Variants in ATP2B2 observed in about 807,000 individuals in gnomAD.
ATP2B2 encodes plasma membrane calcium-transporting ATPase 2.
A neutral mutation model predicts 120.0 loss-of-function variants in ATP2B2; 15 were observed. The observed-to-expected ratio is 0.12, with a 90% confidence interval of 0.08 to 0.19. The LOEUF (loss-of-function observed/expected upper bound fraction) is 0.19. Among genes scored for constraint, ATP2B2 ranks in the 10% least tolerant of loss-of-function variants. The probability of loss-of-function intolerance (pLI) is 1.00; values close to 1 mark genes in which losing one functional copy is unlikely to be tolerated. For missense variants in ATP2B2, 1,045 were observed against 1,719.8 expected (o/e 0.61, Z 6.94); for synonymous variants, 694 against 700.3 (o/e 0.99, Z 0.14).
intron 3 of ATP2B2, among the ~76,000 whole-genome samples, chr3:10,530,124 G>A (rs2067180043): frequency 1.3e-5 from 2 of 152,156 alleles, no homozygotes; most frequent in African/African-American, 4.8e-5. Context: ...TTTTCGCAGT[G>A]CTCAGGTGGC....
At chr3:10,529,023 C>A (rs1252787472) in intron 3 of ATP2B2, among the ~76,000 whole-genome samples, 2 of 152,198 alleles carry the variant, frequency 1.3e-5, no homozygotes, top group Admixed American at 6.5e-5. Flanking sequence ...GCACTGACCC[C>A]CCACCTCTCT....
At chr3:10,671,116 C>T (rs1259046687) in intron 1 of ATP2B2, among the ~76,000 whole-genome samples, 1 of 152,220 alleles carries the variant, frequency 6.6e-6, no homozygotes, top group African/African-American at 2.4e-5. Flanking sequence ...GCATGATCAG[C>T]AGGCTGGCCT....
intron 2 of ATP2B2, among the ~76,000 whole-genome samples, chr3:10,436,044 G>C (rs1032309881): frequency 6.6e-6 from 1 of 152,084 alleles, no homozygotes; most frequent in Non-Finnish European, 1.5e-5. Flanking sequence ...CCTAAGCGTG[G>C]GCATGTGATC....
intron 7 of ATP2B2, among the ~76,000 whole-genome samples, chr3:10,385,773 T>A (rs2061659674): frequency 6.6e-6 from 1 of 152,224 alleles, no homozygotes; most frequent in Admixed American, 6.5e-5. Flanking sequence ...ATGACCACCA[T>A]CTCTGTGCAT....
intron 12 of ATP2B2, among the ~76,000 whole-genome samples, chr3:10,367,681 A>G (rs1426345949): frequency 4.0e-5 from 6 of 151,864 alleles, no homozygotes; most frequent in African/African-American, 1.5e-4. Flanking sequence ...TGGGCTTGGG[A>G]TTGTACAGAT....
chr3:10,371,723 G>A, intron 12 of ATP2B2, 86 bp downstream of exon 12: 1 of 1,596,552 alleles, frequency 6.3e-7, no homozygotes, highest in South Asian at 1.1e-5. Context: ...TTGAGACTAT[G>A]AATCACATTG....
Position 10,375,386 on chromosome 3 carries a change from T to C in ATP2B2, c.1416+44A>G. 6.5e-7 allele frequency: 1 copy of C among 1,536,364 alleles called. No individual in the cohort carries two copies. Among genetic ancestry groups the C allele is most frequent in the Non-Finnish European group, 9.0e-7 (1 of 1,115,832 alleles). ...CCAGTGATTCCCCCAGGCCCTCAGC[T>C]GCAGCTGCATCAGCCGGCTGGTCCT... On this transcript the variant is annotated intron_variant, in intron 11 of 22. Coordinates refer to ENST00000360273, the MANE Select transcript of ATP2B2 (RefSeq NM_001001331.4). The surrounding 1 kb of genome is among the most constrained non-coding windows in gnomAD (Gnocchi z 4.2).
In ATP2B2 at chr3:10,386,581, G is replaced by A. The variant is rs375762399; in HGVS notation, c.908-69C>T. 72 of 1,529,966 alleles carry A rather than the reference G, an allele frequency of 4.7e-5. 1 individual carries two copies. Among genetic ancestry groups the A allele is most frequent in the South Asian group, 4.6e-4 (41 of 89,346 alleles). 94.8% of individuals were successfully genotyped at this position (1,529,966 alleles called of 1,614,324 possible). A position where few individuals can be genotyped will look rare whatever the true frequency, so the allele number is the denominator to read the frequency against. On this transcript the variant is annotated intron_variant, in intron 6 of 22. Transcript: ENST00000360273. Reference sequence around the variant, plus strand: ...CAGCCTCATCTGCCCATGCGCACGCGCACACACACAAACACACATGTGCAT... The same window carrying A: ...CAGCCTCATCTGCCCATGCGCACGCACACACACACAAACACACATGTGCAT...
intron 1 of ATP2B2, among the ~76,000 whole-genome samples, chr3:10,644,929 C>T (rs564216546): frequency 6.6e-6 from 1 of 152,260 alleles, no homozygotes; most frequent in East Asian, 1.9e-4. Context: ...AGTATCATAT[C>T]ATATCAAAAT....
chr3:10,458,758 T>A (rs1260973864), intron 1 of ATP2B2, among the ~76,000 whole-genome samples: 1 of 152,214 alleles, frequency 6.6e-6, no homozygotes, highest in Non-Finnish European at 1.5e-5. Flanking sequence ...TGTCCCCACT[T>A]TATAGGCAAG....
chr3:10,379,629 A>G (rs974315717), intron 8 of ATP2B2, among the ~76,000 whole-genome samples: 4 of 152,078 alleles, frequency 2.6e-5, no homozygotes, highest in Non-Finnish European at 4.4e-5. Flanking sequence ...GCAGAGAAGC[A>G]CTCAGGCCCC....
intron 2 of ATP2B2, among the ~76,000 whole-genome samples, chr3:10,431,112 T>C (rs2063301525): frequency 6.6e-6 from 1 of 152,128 alleles, no homozygotes; most frequent in Non-Finnish European, 1.5e-5. Context: ...TTCTTATGAA[T>C]GAGCAAAGTG....
At chr3:10,537,838 C>A (rs1348818369) in intron 2 of ATP2B2, among the ~76,000 whole-genome samples, 1 of 152,126 alleles carries the variant, frequency 6.6e-6, no homozygotes, top group East Asian at 1.9e-4. Flanking sequence ...TCTATTCCTA[C>A]TTTTTCTGTG....
chr3:10,542,297 T>C (rs959141166), intron 2 of ATP2B2, among the ~76,000 whole-genome samples: 1 of 152,232 alleles, frequency 6.6e-6, no homozygotes, highest in Non-Finnish European at 1.5e-5. Flanking sequence ...ATATTTTGTT[T>C]TCTGTTTGTT....
intron 22 of ATP2B2, among the ~76,000 whole-genome samples, chr3:10,330,986 TGTCA>T (rs2059963360): frequency 6.6e-6 from 1 of 152,258 alleles, no homozygotes; most frequent in African/African-American, 2.4e-5. Flanking sequence ...TCTCCCTTGC[TGTCA>T]GTCATCGCTT....
chr3:10,675,741 C>T (rs1477103198), intron 1 of ATP2B2, among the ~76,000 whole-genome samples: 2 of 152,204 alleles, frequency 1.3e-5, no homozygotes, highest in African/African-American at 2.4e-5. Flanking sequence ...CCCTGGTGAT[C>T]GGCCTGTCTT....
chr3:10,327,721 T>TA lies in ATP2B2; in HGVS notation c.*1092dup, dbSNP rs2059882347. On this transcript the variant is annotated 3_prime_UTR_variant, in exon 23 of 23. Transcript: ENST00000360273. ...TGGCATCCTTGGGCCGGATGGCCGT[T>TA]AGTGTTGCAAACCCAGGAAGCCTTC... is the stretch of plus-strand genomic sequence containing the variant. 1 of 152,694 alleles carries TA rather than the reference T, an allele frequency of 6.5e-6. No individual in the cohort carries two copies. The highest frequency in any genetic ancestry group is 6.5e-5 in the Admixed American group (1 of 15,288). 9.5% of individuals were successfully genotyped at this position (152,694 alleles called of 1,614,324 possible).
intron 8 of ATP2B2, 33 bp downstream of exon 8, chr3:10,385,235 A>AC: frequency 4.3e-6 from 7 of 1,612,238 alleles, no homozygotes; most frequent in Non-Finnish European, 4.2e-6. Flanking sequence ...CGCCCATCCA[A>AC]CCATGACCAG....
chr3:10,537,658 G>A (rs191406651), intron 2 of ATP2B2, among the ~76,000 whole-genome samples: 212 of 152,148 alleles, frequency 1.4e-3, no homozygotes, highest in African/African-American at 4.8e-3. Context: ...TTCTTCCTTT[G>A]AATTTGTATA....
Sources: gnomAD v4.1 joint callset for allele counts (sites outside exome capture counted in the v4.1 genomes callset) on GRCh38, gnomAD v4.1.1 for gene constraint, Gnocchi (gnomAD v3.1) non-coding constraint, MANE v1.5 for transcripts, NCBI Gene and HGNC (gene_info 2026-07-23, HGNC 2026-07-21) for gene names.